Variants in ITGBL1 observed in about 807,000 individuals in gnomAD.
ITGBL1 encodes integrin subunit beta like 1, also known as integrin beta-like protein 1.
A neutral mutation model predicts 68.5 loss-of-function variants in ITGBL1; 51 were observed. That is an observed-to-expected ratio of 0.74 (90% CI 0.59 to 0.94). The LOEUF (loss-of-function observed/expected upper bound fraction) is 0.94. Ranked by LOEUF, ITGBL1 falls within the 40% of genes least tolerant of loss-of-function variation. ITGBL1 has a pLI of 0.00. For missense variants in ITGBL1, 649 were observed against 647.4 expected (o/e 1.00, Z -0.03); for synonymous variants, 209 against 227.3 (o/e 0.92, Z 0.72).
intron 7 of ITGBL1, among the ~76,000 whole-genome samples, chr13:101,638,233 C>T (rs1183526193): frequency 6.6e-6 from 1 of 151,944 alleles, no homozygotes; most frequent in Non-Finnish European, 1.5e-5. Flanking sequence ...TAATTAATGC[C>T]ATATAAAAGC....
chr13:101,705,781 A>C (rs1010282945), intron 8 of ITGBL1, among the ~76,000 whole-genome samples: 2 of 152,206 alleles, frequency 1.3e-5, no homozygotes, highest in Non-Finnish European at 1.5e-5. Context: ...ACAGCTTCAG[A>C]GAGGCTAATC....
intron 2 of ITGBL1, among the ~76,000 whole-genome samples, chr13:101,489,521 C>T (rs2048746472): frequency 6.6e-6 from 1 of 152,046 alleles, no homozygotes; most frequent in Non-Finnish European, 1.5e-5. Flanking sequence ...CCCTTAAATG[C>T]TTTGGTATGT....
At chr13:101,622,029 TAAGC>T (rs1316517321) in intron 7 of ITGBL1, among the ~76,000 whole-genome samples, 1 of 152,108 alleles carries the variant, frequency 6.6e-6, no homozygotes, top group East Asian at 1.9e-4. Flanking sequence ...GGAATATAAA[TAAGC>T]AGGCAGGGGT....
At chr13:101,581,623 T>G (rs1190834044) in intron 5 of ITGBL1, among the ~76,000 whole-genome samples, 2 of 152,236 alleles carry the variant, frequency 1.3e-5, no homozygotes, top group Non-Finnish European at 2.9e-5. Flanking sequence ...CCTAATTTAT[T>G]ACTTAGTGAT....
At chr13:101,621,909 T>C (rs983005778) in intron 7 of ITGBL1, among the ~76,000 whole-genome samples, 5 of 151,980 alleles carry the variant, frequency 3.3e-5, no homozygotes, top group Non-Finnish European at 1.5e-5. Context: ...GCAGCATAGA[T>C]TTGAGTGAAG....
At position 101,706,891 on chromosome 13, in the gene ITGBL1, G is replaced by T. The variant is rs781632150; in HGVS notation, c.1268G>T (p.Cys423Phe). The part of the protein sequence containing the change: ...NLCESADGIL[C>F]SGKGSCHCGK... Reference sequence around the variant, plus strand: ...TGTGAATCAGCAGATGGCATATTGTGCTCGGGGAAGGGTGAGTATCTCTGC... The same window carrying T: ...TGTGAATCAGCAGATGGCATATTGTTCTCGGGGAAGGGTGAGTATCTCTGC... Residue 423 changes from cysteine to phenylalanine, a missense_variant, in exon 9 of 11, where the codon TGC (cysteine) becomes TTC (phenylalanine). Transcript: ENST00000376180. 6.2e-7 allele frequency: 1 copy of T among 1,613,988 alleles called. No homozygotes were observed. Among genetic ancestry groups the T allele is most frequent in the Non-Finnish European group, 8.5e-7 (1 of 1,179,908 alleles).
At chr13:101,566,048 A>T (rs1175509514) in intron 2 of ITGBL1, among the ~76,000 whole-genome samples, 1 of 152,162 alleles carries the variant, frequency 6.6e-6, no homozygotes, top group Non-Finnish European at 1.5e-5. Flanking sequence ...TATAAAATTT[A>T]AAAAATCACA....
intron 2 of ITGBL1, among the ~76,000 whole-genome samples, chr13:101,510,968 T>A (rs550129820): frequency 6.6e-6 from 1 of 152,296 alleles, no homozygotes; most frequent in South Asian, 2.1e-4. Flanking sequence ...TGTTGATGAT[T>A]TCTTTTGCTG....
At chr13:101,660,722 C>A (rs906446486) in intron 7 of ITGBL1, among the ~76,000 whole-genome samples, 2 of 152,148 alleles carry the variant, frequency 1.3e-5, no homozygotes, top group Admixed American at 1.3e-4. Flanking sequence ...AAGACAGCCA[C>A]CCTTGAGGCT....
At chr13:101,642,368 G>C (rs2032411076) in intron 7 of ITGBL1, among the ~76,000 whole-genome samples, 1 of 152,218 alleles carries the variant, frequency 6.6e-6, no homozygotes. Context: ...CTTCTTTTGA[G>C]AAGTGTCTGC....
intron 5 of ITGBL1, among the ~76,000 whole-genome samples, chr13:101,582,159 TTA>T (rs965257632): frequency 2.0e-5 from 3 of 152,190 alleles, no homozygotes; most frequent in African/African-American, 4.8e-5. Context: ...TATGATTTAT[TTA>T]TATGTTTTTG....
At chr13:101,596,338 C>A (rs1024080640) in intron 6 of ITGBL1, among the ~76,000 whole-genome samples, 1 of 152,082 alleles carries the variant, frequency 6.6e-6, no homozygotes, top group Non-Finnish European at 1.5e-5. Flanking sequence ...AAGATGAATA[C>A]GTTCTGGAGA....
chr13:101,600,973 C>T (rs1040841880), intron 7 of ITGBL1, among the ~76,000 whole-genome samples: 3 of 152,138 alleles, frequency 2.0e-5, no homozygotes, highest in African/African-American at 7.2e-5. Context: ...AGGGAGGATT[C>T]CCTCTTTTTC....
chr13:101,541,761 A>G (rs2049707976), intron 2 of ITGBL1, among the ~76,000 whole-genome samples: 3 of 152,036 alleles, frequency 2.0e-5, no homozygotes, highest in African/African-American at 2.4e-5. Context: ...CAGAGATTCA[A>G]CTTCTTCCTG....
chr13:101,506,220 C>T (rs2049024765), intron 2 of ITGBL1, among the ~76,000 whole-genome samples: 2 of 152,144 alleles, frequency 1.3e-5, no homozygotes, highest in African/African-American at 4.8e-5. Context: ...GATTTTGGAA[C>T]TTAGTTTGAT....
intron 7 of ITGBL1, among the ~76,000 whole-genome samples, chr13:101,637,346 T>G (rs2032204424): frequency 6.7e-6 from 1 of 148,816 alleles, no homozygotes; most frequent in Non-Finnish European, 1.5e-5. Context: ...ACAGTATTTT[T>G]TTTTTTTTTT....
At chr13:101,699,317 A>C (rs2034076120) in intron 8 of ITGBL1, among the ~76,000 whole-genome samples, 1 of 152,176 alleles carries the variant, frequency 6.6e-6, no homozygotes, top group Non-Finnish European at 1.5e-5. Flanking sequence ...AGTGTCCCTG[A>C]ACCCCATCTC....
intron 7 of ITGBL1, among the ~76,000 whole-genome samples, chr13:101,651,929 T>C (rs1019890485): frequency 6.6e-6 from 1 of 152,052 alleles, no homozygotes; most frequent in African/African-American, 2.4e-5. Context: ...AAGTAAGGAG[T>C]TCTTTCCCCA....
At chr13:101,542,362 G>A (rs1398801935) in intron 2 of ITGBL1, among the ~76,000 whole-genome samples, 8 of 152,100 alleles carry the variant, frequency 5.3e-5, no homozygotes, top group Non-Finnish European at 1.0e-4. Context: ...GTAGTTGAGC[G>A]GTTTTGAGTG....
Sources: gnomAD v4.1 joint callset for allele counts (sites outside exome capture counted in the v4.1 genomes callset) on GRCh38, gnomAD v4.1.1 for gene constraint, MANE v1.5 for transcripts, NCBI Gene and HGNC (gene_info 2026-07-23, HGNC 2026-07-21) for gene names.